Variants in SH3TC2 observed in about 807,000 individuals in gnomAD.
SH3TC2 encodes SH3 domain and tetratricopeptide repeat-containing protein 2.
SH3TC2 carries 87 observed loss-of-function variants against 124.5 expected under a neutral mutation model. That is an observed-to-expected ratio of 0.70 (90% confidence interval 0.59 to 0.84). The LOEUF (loss-of-function observed/expected upper bound fraction) is 0.84, where lower values mean the gene tolerates loss of function less well. Among genes scored for constraint, SH3TC2 ranks in the 40% least tolerant of loss-of-function variants. SH3TC2 has a pLI of 0.00. For missense variants in SH3TC2, 1,536 were observed against 1,566.4 expected (o/e 0.98, Z 0.33); for synonymous variants, 634 against 628.5 (o/e 1.01, Z -0.13).
In SH3TC2 at chr5:148,995,707, T is replaced by TA. The variant is rs1231729032; in HGVS notation, c.*9003_*9004insT. On this transcript the variant is annotated 3_prime_UTR_variant, in exon 17 of 17. Transcript: ENST00000515425. Reference sequence around the variant, plus strand: ...TTTTATTCACCCATTCAACAAATCTTTATTGAGAGCCTGCCATGCATCAGA... The same window carrying TA: ...TTTTATTCACCCATTCAACAAATCTTATATTGAGAGCCTGCCATGCATCAGA... 6.6e-6 allele frequency among the ~76,000 whole-genome samples: 1 copy of TA among 152,142 alleles called. No individual in the cohort carries two copies. The highest frequency in any genetic ancestry group is 2.4e-5 in the African/African-American group (1 of 41,434).
chr5:149,031,439 C>A, intron 9 of SH3TC2, 115 bp downstream of exon 9: 1 of 1,419,244 alleles, frequency 7.0e-7, no homozygotes, highest in Non-Finnish European at 9.9e-7. Flanking sequence ...GTGGTCATGG[C>A]CACCCAAATT....
rs997313804 is a variant in SH3TC2 at position 148,990,557 on chromosome 5, G to T, written c.*14154C>A. 9.9e-5 allele frequency among the ~76,000 whole-genome samples: 15 copies of T among 152,146 alleles called. No homozygotes were observed. The highest frequency in any genetic ancestry group is 3.6e-4 in the African/African-American group (15 of 41,424). On this transcript the variant is annotated 3_prime_UTR_variant, in exon 17 of 17. Transcript: ENST00000515425. ...ACCAGATCAATTGAATGCAAATTCTGCCCCTGCTACTCACAAGCTATTGGA... is the reference window on the plus strand; with the variant it reads ...ACCAGATCAATTGAATGCAAATTCTTCCCCTGCTACTCACAAGCTATTGGA...
At chr5:149,049,018 A>AAG (rs1561772234) in intron 2 of SH3TC2, among the ~76,000 whole-genome samples, 1 of 152,234 alleles carries the variant, frequency 6.6e-6, no homozygotes, top group East Asian at 1.9e-4. Flanking sequence ...CAAATTCCTC[A>AAG]GCACATTAGA....
At position 148,998,912 on chromosome 5, in the gene SH3TC2, G is replaced by A. The variant is rs17109208; in HGVS notation, c.*5799C>T. Among the ~76,000 whole-genome samples the A allele has an allele frequency of 0.23, 34,809 of 151,960 alleles. 4,500 individuals carry two copies. The highest frequency in any genetic ancestry group is 0.32 in the African/African-American group (13,234 of 41,424). ...GCTGTCCCACCGAAGAGGGAAGACC[G>A]CCAAGTGAGAGGCCCAGTAGCAAAG... is the stretch of plus-strand genomic sequence containing the variant. On this transcript the variant is annotated 3_prime_UTR_variant, in exon 17 of 17. Coordinates refer to ENST00000515425, the MANE Select transcript of SH3TC2 (RefSeq NM_024577.4).
Position 148,988,030 on chromosome 5 carries a change from T to C in SH3TC2, c.*16681A>G, listed in dbSNP as rs954361200. ...TCCTCTGGCCAAGGACAGAGAGTCA[T>C]ATCATCTGCCCACTTGGAGACAGAG... On this transcript the variant is annotated 3_prime_UTR_variant, in exon 17 of 17. Coordinates refer to ENST00000515425, the MANE Select transcript of SH3TC2 (RefSeq NM_024577.4). Among the ~76,000 whole-genome samples, 1 of 152,142 alleles carries C rather than the reference T, an allele frequency of 6.6e-6. No individual in the cohort carries two copies. Among genetic ancestry groups the C allele is most frequent in the African/African-American group, 2.4e-5 (1 of 41,414 alleles).
rs901286506 is a variant in SH3TC2 at position 149,018,848 on chromosome 5, T to A, written c.3054-6114A>T. 7.9e-5 allele frequency among the ~76,000 whole-genome samples: 12 copies of A among 152,358 alleles called. No individual in the cohort carries two copies. The East Asian group carries it at 2.3e-3, about 29-fold the overall frequency. The stretch of plus-strand genomic sequence containing the variant: ...TCTCCACTTTTCAAGATATTACTTA[T>A]CCTTCAAGGGCCTCCTCAAATGCTA... On this transcript the variant is annotated intron_variant, in intron 12 of 16. Transcript: ENST00000515425.
At chr5:149,024,491 A>C (rs969445620) in intron 12 of SH3TC2, among the ~76,000 whole-genome samples, 1 of 152,240 alleles carries the variant, frequency 6.6e-6, no homozygotes, top group Non-Finnish European at 1.5e-5. Flanking sequence ...TGGAGGCAGC[A>C]GGAATTCTAG....
Position 148,982,532 on chromosome 5 carries a change from C to T in SH3TC2, c.*22179G>A, listed in dbSNP as rs1228628788. Among the ~76,000 whole-genome samples the T allele has an allele frequency of 6.6e-6, 1 of 152,108 alleles. No homozygotes were observed. Among genetic ancestry groups the T allele is most frequent in the South Asian group, 2.1e-4 (1 of 4,824 alleles). ...AACCAGCTAAATAAACTGTTATTCC[C>T]ATCATGCAAGGAGATACTTTACAGC... On this transcript the variant is annotated 3_prime_UTR_variant, in exon 17 of 17. Coordinates refer to ENST00000515425, the MANE Select transcript of SH3TC2 (RefSeq NM_024577.4).
At position 148,987,410 on chromosome 5, in the gene SH3TC2, A is replaced by T. The variant is rs1012900530; in HGVS notation, c.*17301T>A. Reference sequence around the variant, plus strand: ...GGAATCTAACAACTATTTATTGAGTATGTAAGTAAACTTGAGGAGATAAGG... The same window carrying T: ...GGAATCTAACAACTATTTATTGAGTTTGTAAGTAAACTTGAGGAGATAAGG... On this transcript the variant is annotated 3_prime_UTR_variant, in exon 17 of 17. Transcript: ENST00000515425. 5.3e-5 allele frequency among the ~76,000 whole-genome samples: 8 copies of T among 152,366 alleles called. No individual in the cohort carries two copies. In the East Asian group the frequency reaches 1.5e-3, roughly 29 times the overall value.
At position 149,002,314 on chromosome 5, in the gene SH3TC2, C is replaced by T. The variant is rs17722155; in HGVS notation, c.*2397G>A. On this transcript the variant is annotated 3_prime_UTR_variant, in exon 17 of 17. Coordinates refer to ENST00000515425, the MANE Select transcript of SH3TC2 (RefSeq NM_024577.4). ...CAGGAATGTTGTTGAAAGGACTATG[C>T]ACGGGAGATTAGACTGAATAGCCTC... is the stretch of plus-strand genomic sequence containing the variant. 0.035 allele frequency: 5,289 copies of T among 152,810 alleles called. 341 individuals are homozygous for T. The highest frequency in any genetic ancestry group is 0.17 in the Admixed American group (2,555 of 15,302). The allele number at this position is 152,810 out of a possible 1,614,324, so 9.5% of individuals were successfully genotyped here.
At chr5:149,020,421 A>T (rs1236877629) in intron 12 of SH3TC2, among the ~76,000 whole-genome samples, 4 of 152,226 alleles carry the variant, frequency 2.6e-5, no homozygotes, top group African/African-American at 9.6e-5. Flanking sequence ...ATAGAAAAAC[A>T]AAAAGATATA....
At chr5:149,026,273 T>A in intron 12 of SH3TC2, 1 of 421,996 alleles carries the variant, frequency 2.4e-6, no homozygotes. Flanking sequence ...TCAGGCACAG[T>A]TATGAGTGTT....
chr5:148,992,598 TGG>T lies in SH3TC2; in HGVS notation c.*12111_*12112del. 1.1e-5 allele frequency among the ~76,000 whole-genome samples: 1 copy of T among 93,414 alleles called. No homozygotes were observed. 61.3% of individuals were successfully genotyped at this position (93,414 alleles called of 152,430 possible). ...ACATAATTCCAAGAAGAGATTTCAT[TGG>T]TTTTTTTTTTTTTTTTTTTTTTCAG... On this transcript the variant is annotated 3_prime_UTR_variant, in exon 17 of 17. Transcript: ENST00000515425.
At position 149,005,608 on chromosome 5, in the gene SH3TC2, T is replaced by C. The variant is rs923728161; in HGVS notation, c.3676-706A>G. Among the ~76,000 whole-genome samples, 7 of 152,292 alleles carry C rather than the reference T, an allele frequency of 4.6e-5. No individual in the cohort carries two copies. The South Asian group carries it at 8.3e-4, about 18-fold the overall frequency. On this transcript the variant is annotated intron_variant, in intron 16 of 16. Coordinates refer to ENST00000515425, the MANE Select transcript of SH3TC2 (RefSeq NM_024577.4). ...TGGGAGCTATGGGGCAGAGGCAAGA[T>C]GGCTAGAGGGTGCTTCACTACCCCC...
intron 5 of SH3TC2, 141 bp from the exon 6 acceptor site, chr5:149,041,758 T>C: frequency 4.5e-6 from 4 of 891,160 alleles, no homozygotes; most frequent in South Asian, 4.3e-5. Context: ...GGGGAGACAC[T>C]AAAAGAGGCC....
intron 12 of SH3TC2, among the ~76,000 whole-genome samples, chr5:149,018,905 C>T (rs559851451): frequency 6.6e-6 from 1 of 152,200 alleles, no homozygotes; most frequent in African/African-American, 2.4e-5. Context: ...TGACAGATCA[C>T]CCCCATCCTT....
At chr5:149,012,450 G>A (rs903771194) in intron 13 of SH3TC2, 134 bp downstream of exon 13, 8 of 1,175,064 alleles carry the variant, frequency 6.8e-6, no homozygotes, top group African/African-American at 1.5e-5. Flanking sequence ...GAGCAGCCCA[G>A]TGTTGACCCT....
chr5:149,059,206 A>T (rs1754703231), intron 1 of SH3TC2, among the ~76,000 whole-genome samples: 1 of 152,072 alleles, frequency 6.6e-6, no homozygotes, highest in Admixed American at 6.5e-5. Flanking sequence ...AGGAGTCATG[A>T]TTTTACTGAG....
In SH3TC2 at chr5:148,990,401, C is replaced by A. The variant is rs1753403220; in HGVS notation, c.*14310G>T. On this transcript the variant is annotated 3_prime_UTR_variant, in exon 17 of 17. Transcript: ENST00000515425. ...ACACACATACCCACACAATGTTGTG[C>A]TGCCAAGTGGTTCACAGGAGAGGAT... 6.6e-6 allele frequency among the ~76,000 whole-genome samples: 1 copy of A among 152,110 alleles called. No homozygotes were observed. Among genetic ancestry groups the A allele is most frequent in the African/African-American group, 2.4e-5 (1 of 41,422 alleles).
Sources: allele counts gnomAD v4.1 joint callset (sites outside exome capture counted in the v4.1 genomes callset), GRCh38; gene constraint gnomAD v4.1.1; transcripts MANE v1.5; gene names NCBI Gene and HGNC (gene_info 2026-07-23, HGNC 2026-07-21).